Variants in PLEK2 observed in about 807,000 individuals in gnomAD.
PLEK2 encodes the protein pleckstrin 2.
In PLEK2, 29 loss-of-function variants were observed where a neutral mutation model predicts 43.8. That is an observed-to-expected ratio of 0.66 (90% CI 0.49 to 0.90). The LOEUF is 0.90. Among genes scored for constraint, PLEK2 ranks in the 40% least tolerant of loss-of-function variants. PLEK2 has a pLI of 0.00. For synonymous variants in PLEK2, 162 were observed against 173.2 expected (o/e 0.94, Z 0.51); for missense variants, 398 against 448.1 (o/e 0.89, Z 1.01).
Position 67,392,758 on chromosome 14 carries a change from G to A in PLEK2, c.573C>T (p.Asn191=), listed in dbSNP as rs774896314. ...VTLASMLMEE[N]FLRPVGVRSM... ...TTCGGACACCCACAGGCCTGAGGAA[G>A]TTCTCCTCCATGAGCATGGAGGCCA... The change falls in exon 5 of 9, where the codon AAC becomes AAT. Residue 191 remains asparagine (N), a synonymous_variant. Transcript: ENST00000216446. 1.9e-6 allele frequency: 3 copies of A among 1,614,088 alleles called. No individual in the cohort carries two copies. In the South Asian group the frequency reaches 3.3e-5, roughly 18 times the overall value.
At chr14:67,393,851 T>C (rs1365261200) in intron 3 of PLEK2, among the ~76,000 whole-genome samples, 1 of 152,150 alleles carries the variant, frequency 6.6e-6, no homozygotes, top group Non-Finnish European at 1.5e-5. Flanking sequence ...GGTCACAGGT[T>C]TCACAAGAAA....
intron 2 of PLEK2, 137 bp downstream of exon 2, chr14:67,397,525 C>T (rs2086019261): frequency 1.5e-6 from 1 of 677,100 alleles, no homozygotes; most frequent in Non-Finnish European, 2.4e-6. Context: ...TGGTATGTGG[C>T]GGAGCCAGGA....
At position 67,387,193 on chromosome 14, in the gene PLEK2, ACT is replaced by A. The variant is rs1291944300; in HGVS notation, c.*134_*135del. 9 of 763,138 alleles carry A rather than the reference ACT, an allele frequency of 1.2e-5. No individual in the cohort carries two copies. The highest frequency in any genetic ancestry group is 1.8e-5 in the Non-Finnish European group (9 of 493,816). 47.3% of individuals were successfully genotyped at this position (763,138 alleles called of 1,614,324 possible). Reference sequence around the variant, plus strand: ...ACCACTGCTGTTTGTAATCTGAGGAACTCTTGGCAGCATTCACTCTCCAAAGC... The same window carrying A: ...ACCACTGCTGTTTGTAATCTGAGGAACTTGGCAGCATTCACTCTCCAAAGC... On this transcript the variant is annotated 3_prime_UTR_variant, in exon 9 of 9. Coordinates refer to ENST00000216446, the MANE Select transcript of PLEK2 (RefSeq NM_016445.3).
intron 2 of PLEK2, among the ~76,000 whole-genome samples, chr14:67,396,292 C>A (rs1014419106): frequency 6.6e-6 from 1 of 151,558 alleles, no homozygotes; most frequent in South Asian, 2.1e-4. Context: ...GGACTACAGA[C>A]GCCCACCACC....
intron 4 of PLEK2, 104 bp downstream of exon 4, chr14:67,393,046 C>A: frequency 1.0e-6 from 1 of 976,616 alleles, no homozygotes; most frequent in South Asian, 1.3e-5. Flanking sequence ...TGTTGCCCAG[C>A]AGGCAGCTCT....
At chr14:67,390,003 G>T (rs2085955375) in intron 7 of PLEK2, among the ~76,000 whole-genome samples, 1 of 152,018 alleles carries the variant, frequency 6.6e-6, no homozygotes, top group Non-Finnish European at 1.5e-5. Flanking sequence ...CAGTGAGGAA[G>T]GAACTGCCCA....
intron 1 of PLEK2, among the ~76,000 whole-genome samples, chr14:67,398,230 T>G (rs1409653486): frequency 1.3e-5 from 2 of 152,200 alleles, no homozygotes; most frequent in Non-Finnish European, 2.9e-5. Context: ...TTTTTTTTGT[T>G]TTTGTTCTTG....
intron 7 of PLEK2, among the ~76,000 whole-genome samples, chr14:67,389,293 C>A (rs2085950311): frequency 6.6e-6 from 1 of 151,922 alleles, no homozygotes; most frequent in Non-Finnish European, 1.5e-5. Context: ...AGGGATCCGC[C>A]CCAGCCTGGA....
At chr14:67,388,591 G>A (rs1165460366) in intron 7 of PLEK2, among the ~76,000 whole-genome samples, 1 of 152,170 alleles carries the variant, frequency 6.6e-6, no homozygotes, top group Non-Finnish European at 1.5e-5. Context: ...CAGAGCCTCT[G>A]ATCCAATATG....
chr14:67,392,260 G>A, intron 6 of PLEK2, 66 bp downstream of exon 6: 2 of 1,068,362 alleles, frequency 1.9e-6, no homozygotes, highest in South Asian at 2.5e-5. Flanking sequence ...CTTCTTCTGG[G>A]CTCACTGCTC....
rs140795773 is a variant in PLEK2, at chr14:67,388,860, G to C, written c.856-558C>G. ...ACACCTGGCTAATTTTGTATTTTTA[G>C]TAGAGGCAGGGGTTCATCACCTTGG... On this transcript the variant is annotated intron_variant, in intron 7 of 8. Coordinates refer to ENST00000216446, the MANE Select transcript of PLEK2 (RefSeq NM_016445.3). 3.2e-3 allele frequency among the ~76,000 whole-genome samples: 492 copies of C among 152,028 alleles called. 2 individuals are homozygous for C. Among genetic ancestry groups the C allele is most frequent in the African/African-American group, 0.011 (453 of 41,448 alleles).
At chr14:67,409,937 G>A (rs2086106083) in intron 1 of PLEK2, among the ~76,000 whole-genome samples, 1 of 152,104 alleles carries the variant, frequency 6.6e-6, no homozygotes, top group Non-Finnish European at 1.5e-5. Context: ...CAGGGTTCTG[G>A]GGCCCTATCC....
At position 67,395,514 on chromosome 14, in the gene PLEK2, C is replaced by A. The variant is rs560999030; in HGVS notation, c.277G>T (p.Asp93Tyr). The change falls in exon 3 of 9, where the codon GAT becomes TAT. Residue 93 changes from aspartate to tyrosine, a missense_variant. Transcript: ENST00000216446. ...CCGGTGATCTCAAAGGCCCAGGCAT[C>A]CCGCTCCTCTCGAGAACAGGCCTCC... is the stretch of plus-strand genomic sequence containing the variant. ...FLEACSREER[D>Y]AWAFEITGAI... 6.2e-7 allele frequency: 1 copy of A among 1,614,108 alleles called. No individual in the cohort carries two copies. The highest frequency in any genetic ancestry group is 1.3e-5 in the African/African-American group (1 of 75,046).
chr14:67,393,390 T>C lies in PLEK2; in HGVS notation c.390-149A>G, dbSNP rs2085983383. 1.0e-5 allele frequency: 7 copies of C among 684,680 alleles called. No homozygotes were observed. The Admixed American group carries it at 1.6e-4, about 15-fold the overall frequency. The allele number at this position is 684,680 out of a possible 1,614,324, so 42.4% of individuals were successfully genotyped here. A position where few individuals can be genotyped will look rare whatever the true frequency, so the allele number is the denominator to read the frequency against. On this transcript the variant is annotated intron_variant, in intron 3 of 8. Transcript: ENST00000216446. Reference sequence around the variant, plus strand: ...AAAGGGGTGTAGGAAAGCAGCCTTTTGAATGGCAAGAGTGATGCCATCTTG... The same window carrying C: ...AAAGGGGTGTAGGAAAGCAGCCTTTCGAATGGCAAGAGTGATGCCATCTTG...
At chr14:67,397,636 G>T in intron 2 of PLEK2, 26 bp downstream of exon 2, 2 of 1,590,812 alleles carry the variant, frequency 1.3e-6, no homozygotes, top group Non-Finnish European at 1.7e-6. Context: ...ACAGAGAGGA[G>T]CTGGACAGCA....
At chr14:67,404,732 C>G (rs1006997310) in intron 1 of PLEK2, among the ~76,000 whole-genome samples, 1 of 150,628 alleles carries the variant, frequency 6.6e-6, no homozygotes, top group African/African-American at 2.4e-5. Flanking sequence ...ATCATTTGAG[C>G]CTGGGAGGTC....
intron 1 of PLEK2, among the ~76,000 whole-genome samples, chr14:67,404,468 T>A (rs769839219): frequency 6.6e-6 from 1 of 151,430 alleles, no homozygotes; most frequent in East Asian, 2.0e-4. Flanking sequence ...AAAACAAAAC[T>A]AAACAACAAA....
At chr14:67,398,689 T>C (rs2086027835) in intron 1 of PLEK2, among the ~76,000 whole-genome samples, 1 of 152,144 alleles carries the variant, frequency 6.6e-6, no homozygotes, top group Admixed American at 6.6e-5. Flanking sequence ...CCCGAGTGGC[T>C]GGGACTACAA....
At position 67,395,553 on chromosome 14, in the gene PLEK2, T is replaced by G; in HGVS notation, c.238A>C (p.Thr80Pro). The change falls in exon 3 of 9, where the codon ACG becomes CCG. Residue 80 changes from threonine to proline, a missense_variant. By Grantham distance (38) the Thr-to-Pro change is conservative. Coordinates refer to ENST00000216446, the MANE Select transcript of PLEK2 (RefSeq NM_016445.3). Reference protein sequence around the residue: ...LLIKLKTQTSTEYFLEACSRE... With the variant: ...LLIKLKTQTSPEYFLEACSRE... The stretch of plus-strand genomic sequence containing the variant: ...GAACAGGCCTCCAGGAAGTACTCCG[T>G]GGATGTTTGAGTCTTCAGCTTAATG... 1 of 1,614,026 alleles carries G rather than the reference T, an allele frequency of 6.2e-7. No individual in the cohort carries two copies.
Sources: gnomAD v4.1 joint callset for allele counts (sites outside exome capture counted in the v4.1 genomes callset) on GRCh38, gnomAD v4.1.1 for gene constraint, MANE v1.5 for transcripts, NCBI Gene and HGNC (gene_info 2026-07-23, HGNC 2026-07-21) for gene names.